FRS2: variants seen among roughly 807,000 people sequenced by gnomAD.
FRS2 encodes the protein fibroblast growth factor receptor substrate 2.
A neutral mutation model predicts 43.9 loss-of-function variants in FRS2; 8 were observed. That is an observed-to-expected ratio of 0.18 (90% confidence interval 0.11 to 0.33). FRS2 has a LOEUF of 0.33. Among genes scored for constraint, FRS2 ranks in the 10% least tolerant of loss-of-function variants. The pLI, the probability that FRS2 is intolerant of heterozygous loss-of-function variation, is 1.00. For synonymous variants in FRS2, 219 were observed against 220.3 expected (o/e 0.99, Z 0.05); for missense variants, 534 against 627.6 (o/e 0.85, Z 1.59).
chr12:69,504,117 A>G (rs1873713138), intron 1 of FRS2, among the ~76,000 whole-genome samples: 1 of 152,220 alleles, frequency 6.6e-6, no homozygotes, highest in South Asian at 2.1e-4. Context: ...AGAGAACAGG[A>G]GACATCTCTC....
intron 4 of FRS2, among the ~76,000 whole-genome samples, 192 bp downstream of exon 4, chr12:69,562,466 A>T (rs915466482): frequency 6.6e-6 from 1 of 151,960 alleles, no homozygotes; most frequent in African/African-American, 2.4e-5. Context: ...CCTGGCCTAT[A>T]ATTTTTTAAT....
chr12:69,539,535 A>G (rs1877672006), intron 3 of FRS2, among the ~76,000 whole-genome samples: 1 of 152,156 alleles, frequency 6.6e-6, no homozygotes, highest in East Asian at 1.9e-4. Flanking sequence ...TTGTGCACGC[A>G]TCATGTGAGG....
At chr12:69,555,447 G>A (rs1010534938) in intron 3 of FRS2, among the ~76,000 whole-genome samples, 1 of 152,256 alleles carries the variant, frequency 6.6e-6, no homozygotes, top group Non-Finnish European at 1.5e-5. Flanking sequence ...GTTAATCACA[G>A]GGATAGATGT....
In FRS2 at chr12:69,528,568, A is replaced by T. The variant is rs377037253; in HGVS notation, c.-260-2297A>T. Among the ~76,000 whole-genome samples, 31 of 152,368 alleles carry T rather than the reference A, an allele frequency of 2.0e-4. No homozygotes were observed. In the East Asian group the frequency reaches 4.0e-3, roughly 20 times the overall value. ...AACAGTTTAAGAAAACCACACTTTG[A>T]TAGATACATCTTCATTATTTCTTTG... On this transcript the variant is annotated intron_variant, in intron 1 of 8. Coordinates refer to ENST00000549921, the MANE Select transcript of FRS2 (RefSeq NM_001278356.2).
At chr12:69,539,798 A>G (rs748931186) in intron 3 of FRS2, among the ~76,000 whole-genome samples, 30 of 152,054 alleles carry the variant, frequency 2.0e-4, no homozygotes, top group Non-Finnish European at 4.1e-4. Context: ...TACTAAAAAT[A>G]CAAAAAATTA....
At chr12:69,531,563 A>G (rs1876795374) in intron 2 of FRS2, among the ~76,000 whole-genome samples, 2 of 152,074 alleles carry the variant, frequency 1.3e-5, no homozygotes, top group African/African-American at 4.8e-5. Flanking sequence ...GAGTGGTGAA[A>G]ATATTATGGA....
At chr12:69,497,784 A>G (rs1370689697) in intron 1 of FRS2, among the ~76,000 whole-genome samples, 5 of 152,336 alleles carry the variant, frequency 3.3e-5, no homozygotes, top group African/African-American at 1.2e-4. Flanking sequence ...ACTGTATTCA[A>G]GGAACTGCAG....
chr12:69,536,471 A>G (rs1215649589), intron 3 of FRS2, among the ~76,000 whole-genome samples: 1 of 151,264 alleles, frequency 6.6e-6, no homozygotes, highest in Non-Finnish European at 1.5e-5. Flanking sequence ...GAGTTTTGTA[A>G]ATAGAATAAG....
chr12:69,570,025 C>G (rs1379113607), intron 5 of FRS2, among the ~76,000 whole-genome samples: 1 of 152,200 alleles, frequency 6.6e-6, no homozygotes, highest in Non-Finnish European at 1.5e-5. Context: ...CCCTCCTCCT[C>G]TTAAATGAAG....
chr12:69,489,635 A>T (rs920957072), intron 1 of FRS2, among the ~76,000 whole-genome samples: 1 of 149,792 alleles, frequency 6.7e-6, no homozygotes, highest in South Asian at 2.1e-4. Flanking sequence ...ATGCCACTGC[A>T]CTCCAGCCTG....
intron 1 of FRS2, among the ~76,000 whole-genome samples, chr12:69,484,743 G>T (rs1871674965): frequency 6.6e-6 from 1 of 152,076 alleles, no homozygotes; most frequent in Non-Finnish European, 1.5e-5. Flanking sequence ...CAGTCTCCTG[G>T]AGCTCTCAGG....
intron 1 of FRS2, among the ~76,000 whole-genome samples, chr12:69,504,268 G>A (rs1395599981): frequency 6.6e-6 from 1 of 152,176 alleles, no homozygotes; most frequent in East Asian, 1.9e-4. Context: ...GGGAAGCTGA[G>A]GCAGGTGAAT....
At chr12:69,533,920 A>G (rs1877041239) in intron 3 of FRS2, among the ~76,000 whole-genome samples, 1 of 152,150 alleles carries the variant, frequency 6.6e-6, no homozygotes, top group African/African-American at 2.4e-5. Context: ...TTTTTGAGGA[A>G]TCCAGTGCTA....
intron 4 of FRS2, among the ~76,000 whole-genome samples, chr12:69,564,736 G>A (rs1880144778): frequency 6.6e-6 from 1 of 151,750 alleles, no homozygotes; most frequent in Non-Finnish European, 1.5e-5. Flanking sequence ...TCTTTCCTCT[G>A]AGCTAAACTC....
At chr12:69,491,505 A>ATTTTTTTTT (rs35140712) in intron 1 of FRS2, 1 of 81,884 alleles carries the variant, frequency 1.2e-5, no homozygotes, top group Admixed American at 1.7e-4. Flanking sequence ...CGTTTCTTCC[A>ATTTTTTTTT]TTTTTTTTTT....
At chr12:69,554,890 G>A (rs905527815) in intron 3 of FRS2, among the ~76,000 whole-genome samples, 4 of 65,208 alleles carry the variant, frequency 6.1e-5, no homozygotes, top group Non-Finnish European at 1.3e-4. Flanking sequence ...TTTTTTTTTT[G>A]TAGAGACAGG....
At chr12:69,496,046 C>G (rs532204157) in intron 1 of FRS2, among the ~76,000 whole-genome samples, 2 of 152,258 alleles carry the variant, frequency 1.3e-5, no homozygotes, top group African/African-American at 4.8e-5. Context: ...ATTTGACTTA[C>G]GATAATACTA....
intron 6 of FRS2, 62 bp from the exon 7 acceptor site, chr12:69,571,214 T>G (rs1284627122): frequency 1.1e-5 from 12 of 1,079,164 alleles, no homozygotes; most frequent in Non-Finnish European, 1.6e-5. Flanking sequence ...GTTTGTCAAG[T>G]GTTCCTATAG....
At chr12:69,475,925 G>A (rs1358482300) in intron 1 of FRS2, among the ~76,000 whole-genome samples, 2 of 152,022 alleles carry the variant, frequency 1.3e-5, no homozygotes, top group Admixed American at 6.5e-5. Context: ...TTCGATGGGC[G>A]CTTAGTTCTT....
Sources: allele counts gnomAD v4.1 joint callset (sites outside exome capture counted in the v4.1 genomes callset), GRCh38; gene constraint gnomAD v4.1.1; transcripts MANE v1.5; gene names NCBI Gene and HGNC (gene_info 2026-07-23, HGNC 2026-07-21).